Variants in RSRC1 observed in about 807,000 individuals in gnomAD.
RSRC1 encodes the protein serine/Arginine-related protein 53.
RSRC1 carries 39 observed loss-of-function variants against 49.1 expected under a neutral mutation model. That is an observed-to-expected ratio of 0.79 (90% CI 0.61 to 1.04). The LOEUF is 1.04. Ranked by LOEUF, RSRC1 falls within the 50% of genes least tolerant of loss-of-function variation. The pLI, the probability that RSRC1 is intolerant of heterozygous loss-of-function variation, is 0.00. For missense variants in RSRC1, 388 were observed against 402.4 expected, an observed-to-expected ratio of 0.96 and a Z score of 0.31; for synonymous variants, 143 against 130.8, an observed-to-expected ratio of 1.09 and a Z score of -0.63.
At chr3:158,460,874 A>T in intron 6 of RSRC1, 61 bp from the exon 7 acceptor site, 1 of 1,119,700 alleles carries the variant, frequency 8.9e-7, no homozygotes, top group South Asian at 1.7e-5. Flanking sequence ...CCTTTAACCA[A>T]TATTTTCACT....
intron 6 of RSRC1, among the ~76,000 whole-genome samples, chr3:158,451,246 A>G (rs1737009867): frequency 6.6e-6 from 1 of 151,912 alleles, no homozygotes; most frequent in Non-Finnish European, 1.5e-5. Flanking sequence ...TTTCCTGCTG[A>G]GACATTAAAA....
chr3:158,441,343 G>A (rs1202186200), intron 6 of RSRC1, among the ~76,000 whole-genome samples: 2 of 151,990 alleles, frequency 1.3e-5, no homozygotes, highest in Non-Finnish European at 2.9e-5. Flanking sequence ...GAAGATCTAC[G>A]ATCTTATCTT....
intron 6 of RSRC1, among the ~76,000 whole-genome samples, chr3:158,423,829 T>A: frequency 6.6e-6 from 1 of 151,864 alleles, no homozygotes. Context: ...TTTTATTCTC[T>A]TTGAAGCAAT....
intron 4 of RSRC1, among the ~76,000 whole-genome samples, chr3:158,293,300 G>A (rs560805639): frequency 9.9e-5 from 15 of 151,872 alleles, no homozygotes; most frequent in South Asian, 2.1e-4. Context: ...ATATGTGTAC[G>A]TACGTACATA....
chr3:158,287,221 T>A (rs1474761610), intron 4 of RSRC1, among the ~76,000 whole-genome samples: 1 of 152,218 alleles, frequency 6.6e-6, no homozygotes, highest in African/African-American at 2.4e-5. Flanking sequence ...AATATATTGC[T>A]TTTATGAAAT....
intron 4 of RSRC1, among the ~76,000 whole-genome samples, chr3:158,252,501 T>C (rs1428603847): frequency 6.6e-6 from 1 of 152,204 alleles, no homozygotes; most frequent in Admixed American, 6.5e-5. Flanking sequence ...GCTAGTATTT[T>C]GTTGAGGATT....
At chr3:158,178,100 C>A (rs1040572219) in intron 3 of RSRC1, among the ~76,000 whole-genome samples, 5 of 151,682 alleles carry the variant, frequency 3.3e-5, no homozygotes, top group Admixed American at 1.3e-4. Flanking sequence ...GTTTTCATTC[C>A]TGTTGTTGTT....
intron 7 of RSRC1, among the ~76,000 whole-genome samples, chr3:158,464,207 T>C (rs1737762441): frequency 6.6e-6 from 1 of 152,146 alleles, no homozygotes; most frequent in East Asian, 1.9e-4. Flanking sequence ...TATTTCTCTC[T>C]ATTATTGAAT....
intron 5 of RSRC1, among the ~76,000 whole-genome samples, chr3:158,313,776 A>G (rs1220718225): frequency 6.6e-6 from 1 of 152,254 alleles, no homozygotes; most frequent in Non-Finnish European, 1.5e-5. Context: ...ATTTATTTAT[A>G]TCCCAGCTCA....
At chr3:158,512,749 A>G (rs1358778407) in intron 7 of RSRC1, among the ~76,000 whole-genome samples, 1 of 151,694 alleles carries the variant, frequency 6.6e-6, no homozygotes, top group East Asian at 1.9e-4. Flanking sequence ...ACCCATGAGC[A>G]TGGAATATTC....
rs138764268 is a variant in RSRC1 at position 158,444,442 on chromosome 3, A to G, written c.584-16493A>G. Reference sequence around the variant, plus strand: ...CTATTTAATAAATGGTGCTGGGAAAACTGGCTAGCCATATATAGAAGGCTG... The same window carrying G: ...CTATTTAATAAATGGTGCTGGGAAAGCTGGCTAGCCATATATAGAAGGCTG... On this transcript the variant is annotated intron_variant, in intron 6 of 9. Transcript: ENST00000611884. 6.0e-3 allele frequency among the ~76,000 whole-genome samples: 914 copies of G among 152,298 alleles called. 10 individuals are homozygous for G. Among genetic ancestry groups the G allele is most frequent in the Middle Eastern group, 0.041 (12 of 294 alleles).
intron 4 of RSRC1, among the ~76,000 whole-genome samples, chr3:158,219,884 G>T (rs1722137702): frequency 6.6e-6 from 1 of 151,584 alleles, no homozygotes; most frequent in Non-Finnish European, 1.5e-5. Context: ...TGGATGAATT[G>T]TTTGAATAGT....
At chr3:158,195,183 C>T (rs1469748841) in intron 3 of RSRC1, among the ~76,000 whole-genome samples, 13 of 152,194 alleles carry the variant, frequency 8.5e-5, no homozygotes, top group South Asian at 4.2e-4. Context: ...TTTTAATGAT[C>T]GCCATTCTAA....
chr3:158,154,596 C>G (rs1717748263), intron 3 of RSRC1, among the ~76,000 whole-genome samples: 4 of 151,860 alleles, frequency 2.6e-5, no homozygotes, highest in Admixed American at 2.6e-4. Context: ...TCCTGAGTAG[C>G]TGGGACTACA....
chr3:158,514,826 G>A (rs567320603), intron 7 of RSRC1, among the ~76,000 whole-genome samples: 15 of 152,186 alleles, frequency 9.9e-5, no homozygotes, highest in Non-Finnish European at 1.8e-4. Flanking sequence ...ATATAATTAA[G>A]ATAGTTATCT....
intron 6 of RSRC1, among the ~76,000 whole-genome samples, chr3:158,398,695 C>T (rs567487102): frequency 1.3e-5 from 2 of 152,266 alleles, no homozygotes; most frequent in East Asian, 1.9e-4. Flanking sequence ...TCCCTGTCTG[C>T]TATAATCTAT....
chr3:158,278,764 CATTG>C (rs1365795653), intron 4 of RSRC1, among the ~76,000 whole-genome samples: 1 of 152,120 alleles, frequency 6.6e-6, no homozygotes, highest in Non-Finnish European at 1.5e-5. Context: ...AAATGGCTTT[CATTG>C]ATTGGTTGAC....
intron 7 of RSRC1, among the ~76,000 whole-genome samples, chr3:158,486,307 A>G (rs1286170690): frequency 6.6e-6 from 1 of 152,122 alleles, no homozygotes; most frequent in African/African-American, 2.4e-5. Flanking sequence ...AGAGGTCATT[A>G]TGGAAACTGG....
At chr3:158,254,753 C>T (rs1353578980) in intron 4 of RSRC1, among the ~76,000 whole-genome samples, 1 of 151,788 alleles carries the variant, frequency 6.6e-6, no homozygotes, top group Non-Finnish European at 1.5e-5. Context: ...TTTTAATGAT[C>T]GCCATTCTAA....
Sources: allele counts gnomAD v4.1 joint callset (sites outside exome capture counted in the v4.1 genomes callset), GRCh38; gene constraint gnomAD v4.1.1; transcripts MANE v1.5; gene names NCBI Gene and HGNC (gene_info 2026-07-23, HGNC 2026-07-21).